GALNT17: variants seen among roughly 807,000 people sequenced by gnomAD.
The protein encoded by GALNT17 is UDP-GalNAc:polypeptide N-acetylgalactosaminyltransferase-like 3.
In GALNT17, 29 loss-of-function variants were observed where a neutral mutation model predicts 63.7. That is an observed-to-expected ratio of 0.46 (90% CI 0.34 to 0.62). The LOEUF is 0.62. Among genes scored for constraint, GALNT17 ranks in the 20% least tolerant of loss-of-function variants. GALNT17 has a pLI of 0.01. For synonymous variants in GALNT17, 305 were observed against 318.3 expected, an observed-to-expected ratio of 0.96 and a Z score of 0.45; for missense variants, 603 against 799.6, an observed-to-expected ratio of 0.75 and a Z score of 2.97.
At position 71,449,575 on chromosome 7, in the gene GALNT17, C is replaced by CATA. The variant is rs200036354; in HGVS notation, c.962+28472_962+28473insAAT. ...TAATGAAATACCTTGAATGTTTCAC[C>CATA]ATTATGACTCATATTGGCTGTTTTA... is the stretch of plus-strand genomic sequence containing the variant. On this transcript the variant is annotated intron_variant, in intron 5 of 10. Transcript: ENST00000333538. 6.6e-5 allele frequency among the ~76,000 whole-genome samples: 10 copies of CATA among 152,088 alleles called. No homozygotes were observed. In the East Asian group the frequency reaches 1.9e-3, roughly 29 times the overall value.
intron 9 of GALNT17, among the ~76,000 whole-genome samples, chr7:71,705,497 G>T (rs1471741854): frequency 6.6e-6 from 1 of 152,140 alleles, no homozygotes; most frequent in Non-Finnish European, 1.5e-5. Flanking sequence ...TATGGCCCAA[G>T]GATGAGTAAT....
At chr7:71,423,344 T>G (rs1437342007) in intron 5 of GALNT17, among the ~76,000 whole-genome samples, 3 of 152,148 alleles carry the variant, frequency 2.0e-5, no homozygotes, top group Non-Finnish European at 2.9e-5. Context: ...GAATGGTACC[T>G]TATTTGGGGA....
chr7:71,447,101 A>G (rs1233705635), intron 5 of GALNT17, among the ~76,000 whole-genome samples: 1 of 152,160 alleles, frequency 6.6e-6, no homozygotes, highest in Admixed American at 6.5e-5. Context: ...GGTTTCCTAC[A>G]ATTCAATTCA....
intron 5 of GALNT17, among the ~76,000 whole-genome samples, chr7:71,544,984 C>T (rs1441127529): frequency 1.3e-5 from 2 of 151,928 alleles, no homozygotes; most frequent in African/African-American, 2.4e-5. Flanking sequence ...GAATGTAGGG[C>T]ATTTAGTAAT....
chr7:71,177,035 G>A (rs1177591369), intron 1 of GALNT17, among the ~76,000 whole-genome samples: 1 of 152,146 alleles, frequency 6.6e-6, no homozygotes, highest in Non-Finnish European at 1.5e-5. Flanking sequence ...AGGGGCAGAT[G>A]TAATATGCAC....
At chr7:71,414,759 T>C (rs538183379) in intron 3 of GALNT17, among the ~76,000 whole-genome samples, 42 of 152,242 alleles carry the variant, frequency 2.8e-4, no homozygotes, top group African/African-American at 9.9e-4. Context: ...CAGAATATTC[T>C]CCCTGAACTT....
chr7:71,215,337 G>A (rs1260091272), intron 1 of GALNT17, among the ~76,000 whole-genome samples: 2 of 152,036 alleles, frequency 1.3e-5, no homozygotes, highest in African/African-American at 2.4e-5. Flanking sequence ...CTTAGTGGAG[G>A]AGCCTGTTTT....
intron 5 of GALNT17, among the ~76,000 whole-genome samples, chr7:71,512,157 C>A (rs1788367626): frequency 6.6e-6 from 1 of 152,008 alleles, no homozygotes. Context: ...TGTGTGCCAC[C>A]ATGCCTCCTA....
At chr7:71,582,599 T>G (rs1352976922) in intron 6 of GALNT17, among the ~76,000 whole-genome samples, 2 of 151,570 alleles carry the variant, frequency 1.3e-5, no homozygotes, top group Admixed American at 6.6e-5. Flanking sequence ...AAAAAAAGAA[T>G]CTGTGGTATA....
At chr7:71,209,330 T>C (rs1029130049) in intron 1 of GALNT17, among the ~76,000 whole-genome samples, 7 of 152,176 alleles carry the variant, frequency 4.6e-5, no homozygotes, top group Admixed American at 3.3e-4. Context: ...TTCTATGTGC[T>C]GGGTACTGGG....
At position 71,156,068 on chromosome 7, in the gene GALNT17, T is replaced by A. The variant is rs564935013; in HGVS notation, c.238+23028T>A. Among the ~76,000 whole-genome samples, 10 of 151,866 alleles carry A rather than the reference T, an allele frequency of 6.6e-5. No individual in the cohort carries two copies. The East Asian group carries it at 1.9e-3, about 29-fold the overall frequency. ...AAAATTAGCCAGGCGTGGTGGTGTA[T>A]GCCTGTAATCCCAGCTACTGGGGAG... On this transcript the variant is annotated intron_variant, in intron 1 of 10. Transcript: ENST00000333538.
chr7:71,467,809 T>A (rs1787561972), intron 5 of GALNT17, among the ~76,000 whole-genome samples: 2 of 151,948 alleles, frequency 1.3e-5, no homozygotes, highest in Admixed American at 6.6e-5. Context: ...CAGGGAAACC[T>A]GAATTTCAAA....
chr7:71,165,751 C>T (rs112227440), intron 1 of GALNT17, among the ~76,000 whole-genome samples: 42 of 152,142 alleles, frequency 2.8e-4, no homozygotes, highest in African/African-American at 9.2e-4. Flanking sequence ...CTTTACTTGA[C>T]GTTAATGTTG....
At chr7:71,310,578 G>T (rs775498134) in intron 1 of GALNT17, among the ~76,000 whole-genome samples, 1 of 152,190 alleles carries the variant, frequency 6.6e-6, no homozygotes, top group African/African-American at 2.4e-5. Flanking sequence ...GGTCCCAGAT[G>T]CCTTCAAGCA....
At chr7:71,624,494 A>G (rs1790342644) in intron 6 of GALNT17, among the ~76,000 whole-genome samples, 1 of 152,136 alleles carries the variant, frequency 6.6e-6, no homozygotes. Flanking sequence ...CAAGGGGAAA[A>G]AAATGACGTA....
intron 9 of GALNT17, among the ~76,000 whole-genome samples, chr7:71,704,969 A>G (rs1791703044): frequency 6.6e-6 from 1 of 152,192 alleles, no homozygotes; most frequent in African/African-American, 2.4e-5. Flanking sequence ...TTTCTTAGAT[A>G]TGACTTCAAA....
At chr7:71,155,150 G>T (rs554223854) in intron 1 of GALNT17, among the ~76,000 whole-genome samples, 2 of 151,876 alleles carry the variant, frequency 1.3e-5, no homozygotes, top group East Asian at 1.9e-4. Flanking sequence ...CTCCCTCCCC[G>T]TGGACGACGG....
intron 6 of GALNT17, among the ~76,000 whole-genome samples, chr7:71,596,330 A>ATG (rs1789886995): frequency 3.3e-5 from 5 of 151,976 alleles, no homozygotes; most frequent in Non-Finnish European, 7.4e-5. Context: ...GAGCCACTGC[A>ATG]CCTGGCCTGC....
intron 5 of GALNT17, among the ~76,000 whole-genome samples, chr7:71,448,627 T>C (rs1050906558): frequency 6.6e-6 from 1 of 152,206 alleles, no homozygotes; most frequent in Non-Finnish European, 1.5e-5. Context: ...ATCAATGCAA[T>C]ATCCTTTCTA....
Sources: allele counts gnomAD v4.1 joint callset (sites outside exome capture counted in the v4.1 genomes callset), GRCh38; gene constraint gnomAD v4.1.1; transcripts MANE v1.5; gene names NCBI Gene and HGNC (gene_info 2026-07-23, HGNC 2026-07-21).